The following WDR45B variants were observed in gnomAD, a reference collection of about 807,000 sequenced individuals.
WDR45B encodes WD repeat domain phosphoinositide-interacting protein 3.
A neutral mutation model predicts 44.6 loss-of-function variants in WDR45B; 20 were observed. The ratio of observed to expected loss-of-function variants is 0.45; its 90% CI spans 0.32 to 0.65. The LOEUF (loss-of-function observed/expected upper bound fraction) is 0.65, where lower values mean the gene tolerates loss of function less well. Ranked by LOEUF, WDR45B falls within the 30% of genes least tolerant of loss-of-function variation. The pLI is 0.05. For synonymous variants in WDR45B, 169 were observed against 164.9 expected, an observed-to-expected ratio of 1.02 and a Z score of -0.19; for missense variants, 323 against 430.2, an observed-to-expected ratio of 0.75 and a Z score of 2.20.
intron 3 of WDR45B, among the ~76,000 whole-genome samples, chr17:82,628,825 C>A (rs113411502): frequency 3.3e-5 from 5 of 152,018 alleles, no homozygotes; most frequent in African/African-American, 9.7e-5. Flanking sequence ...CATGTGGAAA[C>A]GCCGTCTCTA....
intron 2 of WDR45B, 104 bp downstream of exon 2, chr17:82,643,845 T>A: frequency 8.9e-7 from 1 of 1,127,774 alleles, no homozygotes; most frequent in Non-Finnish European, 1.3e-6. Context: ...CCCTATTTAC[T>A]TCTCGAAAAC....
intron 2 of WDR45B, among the ~76,000 whole-genome samples, chr17:82,642,369 T>A (rs1489753069): frequency 6.6e-6 from 1 of 152,216 alleles, no homozygotes; most frequent in African/African-American, 2.4e-5. Flanking sequence ...CCTGATGATC[T>A]GAGTGGGAAC....
Position 82,615,739 on chromosome 17 carries a change from T to G in WDR45B, c.*180A>C, listed in dbSNP as rs1335740442. The G allele has an allele frequency of 1.6e-6, 1 of 634,578 alleles. No homozygotes were observed. The highest frequency in any genetic ancestry group is 1.8e-5 in the South Asian group (1 of 57,044). 39.3% of individuals were successfully genotyped at this position (634,578 alleles called of 1,614,324 possible). A position where few individuals can be genotyped will look rare whatever the true frequency, so the allele number is the denominator to read the frequency against. ...TTACCTACGGTGCCTTGATGATGAT[T>G]CTCTCTTTAATACTGGAAATGGGAG... On this transcript the variant is annotated 3_prime_UTR_variant, in exon 10 of 10. Coordinates refer to ENST00000392325, the MANE Select transcript of WDR45B (RefSeq NM_019613.4).
rs377243578 is a variant in WDR45B at position 82,621,587 on chromosome 17, A to G, written c.618+22T>C. 6.2e-6 allele frequency: 10 copies of G among 1,613,818 alleles called. No homozygotes were observed. The African/African-American group carries it at 1.3e-4, about 22-fold the overall frequency. On this transcript the variant is annotated intron_variant, in intron 6 of 9. Coordinates refer to ENST00000392325, the MANE Select transcript of WDR45B (RefSeq NM_019613.4). ...TGCTGCTCCAGGAGGCACAACACCA[A>G]CAAGGTGAGTGGCACACTTACTTTC...
chr17:82,625,559 T>A lies in WDR45B; in HGVS notation c.333-76A>T. 2.3e-6 allele frequency: 3 copies of A among 1,325,394 alleles called. No homozygotes were observed. The South Asian group carries it at 3.6e-5, about 16-fold the overall frequency. The allele number at this position is 1,325,394 out of a possible 1,614,324, so 82.1% of individuals were successfully genotyped here. On this transcript the variant is annotated intron_variant, in intron 4 of 9. Coordinates refer to ENST00000392325, the MANE Select transcript of WDR45B (RefSeq NM_019613.4). ...ACATTTTATGCTCCTGTTCTTATCA[T>A]ACTGAAACTGAGAAACACTGAAAAT...
At chr17:82,637,553 A>T (rs1005218969) in intron 2 of WDR45B, among the ~76,000 whole-genome samples, 2 of 151,876 alleles carry the variant, frequency 1.3e-5, no homozygotes, top group African/African-American at 4.9e-5. Flanking sequence ...TGCACCACAC[A>T]CCAGTCACAA....
chr17:82,635,794 G>C (rs1215898034), intron 2 of WDR45B, among the ~76,000 whole-genome samples: 6 of 151,944 alleles, frequency 3.9e-5, no homozygotes, highest in Non-Finnish European at 8.8e-5. Context: ...GTTAAGTAAA[G>C]AAATGTTGGC....
chr17:82,621,566 G>A, intron 6 of WDR45B, 43 bp downstream of exon 6: 1 of 1,612,756 alleles, frequency 6.2e-7, no homozygotes, highest in African/African-American at 1.3e-5. Context: ...TGAGCCTGCT[G>A]CTCCAGGAGG....
In WDR45B at chr17:82,617,343, T is replaced by C. The variant is rs769682907; in HGVS notation, c.759A>G (p.Thr253=). ...GATCTTCAGCTGCAAAAATATGCAC[T>C]GTGCCGTGGTCGCTGGATACGCAGA... ...SLICVSSDHG[T]VHIFAAEDPK... is the part of the protein sequence containing the mutation. The change falls in exon 8 of 10, where the codon ACA becomes ACG. Residue 253 remains threonine, a synonymous_variant. Transcript: ENST00000392325. 2.5e-6 allele frequency: 4 copies of C among 1,613,946 alleles called. No homozygotes were observed. The African/African-American group carries it at 5.3e-5, about 22-fold the overall frequency.
At position 82,615,608 on chromosome 17, in the gene WDR45B, A is replaced by AG; in HGVS notation, c.*310dup. 1 of 437,180 alleles carries AG rather than the reference A, an allele frequency of 2.3e-6. No homozygotes were observed. The highest frequency in any genetic ancestry group is 2.2e-5 in the South Asian group (1 of 46,260). 27.1% of individuals were successfully genotyped at this position (437,180 alleles called of 1,614,324 possible). The stretch of plus-strand genomic sequence containing the variant: ...CAGCCCAGTCCCCAGGTCCGTATGG[A>AG]GCCCCCGTCAGTGTGAGGATGCGGC... On this transcript the variant is annotated 3_prime_UTR_variant, in exon 10 of 10. Transcript: ENST00000392325.
intron 6 of WDR45B, among the ~76,000 whole-genome samples, chr17:82,620,729 A>G (rs186988401): frequency 9.6e-4 from 146 of 152,340 alleles, no homozygotes; most frequent in African/African-American, 3.3e-3. Context: ...ACAAGATACC[A>G]ATTTTCTTTG....
chr17:82,632,168 CT>C (rs199660056), intron 2 of WDR45B, among the ~76,000 whole-genome samples: 3 of 151,074 alleles, frequency 2.0e-5, no homozygotes, highest in Admixed American at 6.6e-5. Flanking sequence ...TTATCATTTC[CT>C]TTTTTTTTAA....
At chr17:82,622,721 A>AT (rs2045635417) in intron 5 of WDR45B, among the ~76,000 whole-genome samples, 3 of 151,982 alleles carry the variant, frequency 2.0e-5, no homozygotes, top group African/African-American at 7.3e-5. Context: ...CATGACCAAA[A>AT]ATTTTTTTTT....
chr17:82,641,044 C>A (rs2045908706), intron 2 of WDR45B, among the ~76,000 whole-genome samples: 1 of 149,280 alleles, frequency 6.7e-6, no homozygotes, highest in South Asian at 2.1e-4. Flanking sequence ...CGGCTCACTG[C>A]AACCTCGGCC....
At position 82,644,083 on chromosome 17, in the gene WDR45B, G is replaced by C. The variant is rs182148974; in HGVS notation, c.68-60C>G. 29 of 1,547,408 alleles carry C rather than the reference G, an allele frequency of 1.9e-5. No individual in the cohort carries two copies. In the Admixed American group the frequency reaches 4.8e-4, roughly 26 times the overall value. ...AGGCCTGGAGTGGTTAAAAGAAAGA[G>C]GTCTGGAGAAATGACAACTACTGAG... On this transcript the variant is annotated intron_variant, in intron 1 of 9. Coordinates refer to ENST00000392325, the MANE Select transcript of WDR45B (RefSeq NM_019613.4).
chr17:82,623,777 G>C (rs1280548900), intron 5 of WDR45B, among the ~76,000 whole-genome samples: 1 of 151,808 alleles, frequency 6.6e-6, no homozygotes, highest in Admixed American at 6.6e-5. Context: ...AAACATCTGG[G>C]GCACTTCCCA....
In WDR45B at chr17:82,616,035, AAGG is replaced by A. The variant is rs1401574910; in HGVS notation, c.929-13_929-11del. On this transcript the variant is annotated splice_polypyrimidine_tract_variant and intron_variant, in intron 9 of 9. Transcript: ENST00000392325. ...CCGTCTGCACAAATTGCTGGGATAGAAGGAGACCATTTTACCTGTGTGTTTCTT... is the reference window on the plus strand; with the variant it reads ...CCGTCTGCACAAATTGCTGGGATAGAAGACCATTTTACCTGTGTGTTTCTT... 1 of 1,611,556 alleles carries A rather than the reference AAGG, an allele frequency of 6.2e-7. No homozygotes were observed. The highest frequency in any genetic ancestry group is 8.5e-7 in the Non-Finnish European group (1 of 1,178,070).
chr17:82,637,940 G>C (rs550147419), intron 2 of WDR45B, among the ~76,000 whole-genome samples: 1 of 151,436 alleles, frequency 6.6e-6, no homozygotes, highest in African/African-American at 2.4e-5. Flanking sequence ...CTGGGAGGCC[G>C]AGGCAGACAA....
At position 82,615,048 on chromosome 17, in the gene WDR45B, C is replaced by G. The variant is rs931293087; in HGVS notation, c.*871G>C. ...TGCATGGACCCTCCCAGACCCTGCTCTGGCAGACGACCCCGAAGTTAAAGG... is the reference window on the plus strand; with the variant it reads ...TGCATGGACCCTCCCAGACCCTGCTGTGGCAGACGACCCCGAAGTTAAAGG... On this transcript the variant is annotated 3_prime_UTR_variant, in exon 10 of 10. Coordinates refer to ENST00000392325, the MANE Select transcript of WDR45B (RefSeq NM_019613.4). 2.0e-5 allele frequency: 3 copies of G among 152,266 alleles called. No individual in the cohort carries two copies. The highest frequency in any genetic ancestry group is 7.2e-5 in the African/African-American group (3 of 41,450). 9.4% of individuals were successfully genotyped at this position (152,266 alleles called of 1,614,324 possible). A position where few individuals can be genotyped will look rare whatever the true frequency, so the allele number is the denominator to read the frequency against.
Sources: allele counts gnomAD v4.1 joint callset (sites outside exome capture counted in the v4.1 genomes callset), GRCh38; gene constraint gnomAD v4.1.1; transcripts MANE v1.5; gene names NCBI Gene and HGNC (gene_info 2026-07-23, HGNC 2026-07-21).